MCTP2: variants seen among roughly 807,000 people sequenced by gnomAD.
The protein encoded by MCTP2 is multiple C2 and transmembrane domain-containing protein 2.
MCTP2 carries 132 observed loss-of-function variants against 111.6 expected under a neutral mutation model. That is an observed-to-expected ratio of 1.18 (90% confidence interval 1.03 to 1.37). The LOEUF (loss-of-function observed/expected upper bound fraction) is 1.37. Ranked by LOEUF, MCTP2 falls within the 40% of genes most tolerant of loss-of-function variation. The pLI, the probability that MCTP2 is intolerant of heterozygous loss-of-function variation, is 0.00. For missense variants in MCTP2, 1,183 were observed against 1,067.9 expected, an observed-to-expected ratio of 1.11 and a Z score of -1.50; for synonymous variants, 395 against 387.7, an observed-to-expected ratio of 1.02 and a Z score of -0.22.
intron 17 of MCTP2, among the ~76,000 whole-genome samples, chr15:94,421,793 C>T (rs927364165): frequency 2.6e-5 from 4 of 152,142 alleles, no homozygotes; most frequent in Non-Finnish European, 5.9e-5. Context: ...GAAAACTTAG[C>T]TTCATCTGCA....
intron 4 of MCTP2, among the ~76,000 whole-genome samples, chr15:94,320,881 G>C (rs2076601346): frequency 6.6e-6 from 1 of 152,138 alleles, no homozygotes; most frequent in Non-Finnish European, 1.5e-5. Context: ...TGGCTCAGTG[G>C]GACAAGAAGA....
intron 1 of MCTP2, among the ~76,000 whole-genome samples, chr15:94,287,681 A>G (rs1227043806): frequency 6.6e-6 from 1 of 152,230 alleles, no homozygotes; most frequent in African/African-American, 2.4e-5. Flanking sequence ...AAGTAAAGCT[A>G]CAGCTTCGAC....
intron 17 of MCTP2, among the ~76,000 whole-genome samples, chr15:94,412,218 A>G (rs1381247403): frequency 6.6e-6 from 1 of 152,052 alleles, no homozygotes; most frequent in Non-Finnish European, 1.5e-5. Context: ...CGGCTTGTAT[A>G]GTCATAAACT....
chr15:94,402,860 G>T, intron 17 of MCTP2: 1 of 1,209,104 alleles, frequency 8.3e-7, no homozygotes, highest in Non-Finnish European at 1.0e-6. Context: ...TGGTCTAAGA[G>T]TGTGAATATC....
At chr15:94,401,833 A>G (rs1391017637) in intron 16 of MCTP2, 67 bp from the exon 17 acceptor site, 7 of 1,220,694 alleles carry the variant, frequency 5.7e-6, no homozygotes, top group Non-Finnish European at 8.1e-6. Context: ...TGATCAGGGT[A>G]CCTGATCTAG....
chr15:94,422,707 G>A (rs572431584), intron 17 of MCTP2, among the ~76,000 whole-genome samples: 24 of 152,264 alleles, frequency 1.6e-4, no homozygotes, highest in African/African-American at 5.8e-4. Flanking sequence ...TCCCCACCAA[G>A]TTCTCCAACC....
chr15:94,330,761 G>A (rs369520174), intron 4 of MCTP2, among the ~76,000 whole-genome samples: 107 of 142,556 alleles, frequency 7.5e-4, no homozygotes, highest in Middle Eastern at 3.5e-3. Flanking sequence ...TTGAAACAGG[G>A]TCTCACTCTG....
intron 17 of MCTP2, chr15:94,402,342 C>G: frequency 1.4e-6 from 2 of 1,443,650 alleles, no homozygotes; most frequent in Non-Finnish European, 1.8e-6. Flanking sequence ...AAAATGGCAT[C>G]TGAAAAATCA....
chr15:94,341,605 A>G (rs898058496), intron 7 of MCTP2: 7 of 152,152 alleles, frequency 4.6e-5, no homozygotes, highest in Non-Finnish European at 1.0e-4. Context: ...GAATTGAGGC[A>G]GTGGGGTGGG....
chr15:94,346,065 A>G (rs1371042082), intron 8 of MCTP2, among the ~76,000 whole-genome samples: 2 of 152,080 alleles, frequency 1.3e-5, no homozygotes, highest in African/African-American at 4.8e-5. Context: ...TTCTCTACAT[A>G]ATAAGGAGCT....
chr15:94,305,900 CTCAT>C (rs1399442932), intron 2 of MCTP2, among the ~76,000 whole-genome samples: 4 of 151,988 alleles, frequency 2.6e-5, no homozygotes, highest in African/African-American at 9.7e-5. Flanking sequence ...TTTTTTTCTC[CTCAT>C]TTTCTCCTCT....
At chr15:94,465,985 C>T (rs2073245107) in intron 20 of MCTP2, among the ~76,000 whole-genome samples, 1 of 152,260 alleles carries the variant, frequency 6.6e-6, no homozygotes, top group Non-Finnish European at 1.5e-5. Flanking sequence ...CTTCTAAATA[C>T]TTTCTTTGGA....
chr15:94,379,823 A>G (rs1047123060), intron 12 of MCTP2, among the ~76,000 whole-genome samples: 1 of 144,288 alleles, frequency 6.9e-6, no homozygotes, highest in Non-Finnish European at 1.5e-5. Context: ...TGACATAATT[A>G]TATATGACAT....
intron 1 of MCTP2, among the ~76,000 whole-genome samples, chr15:94,248,340 C>T (rs2072165373): frequency 6.6e-6 from 1 of 152,158 alleles, no homozygotes; most frequent in Non-Finnish European, 1.5e-5. Context: ...ACCCTTCCAC[C>T]AAGTAGAACT....
intron 14 of MCTP2, among the ~76,000 whole-genome samples, chr15:94,392,817 A>G (rs2081064056): frequency 6.6e-6 from 1 of 152,138 alleles, no homozygotes; most frequent in Non-Finnish European, 1.5e-5. Context: ...CTTCATCTCA[A>G]AAAACAAACA....
chr15:94,248,714 G>C (rs1486953472), intron 1 of MCTP2, among the ~76,000 whole-genome samples: 1 of 152,110 alleles, frequency 6.6e-6, no homozygotes, highest in Admixed American at 6.5e-5. Context: ...ATTTTTATAT[G>C]ATTTACGAAA....
chr15:94,239,804 G>A (rs2070807511), intron 1 of MCTP2, among the ~76,000 whole-genome samples: 1 of 152,186 alleles, frequency 6.6e-6, no homozygotes. Context: ...ACACGGTGGG[G>A]CTTGGAAAGT....
At chr15:94,451,231 G>T (rs1183656776) in intron 19 of MCTP2, among the ~76,000 whole-genome samples, 1 of 151,938 alleles carries the variant, frequency 6.6e-6, no homozygotes, top group African/African-American at 2.4e-5. Context: ...TATATTTTTA[G>T]GTTACCAAGT....
chr15:94,294,525 A>G (rs2075170418), intron 1 of MCTP2, among the ~76,000 whole-genome samples: 3 of 152,150 alleles, frequency 2.0e-5, no homozygotes, highest in Admixed American at 2.0e-4. Context: ...CACCCCCTCA[A>G]ATAAAGGAGA....
Sources: allele counts gnomAD v4.1 joint callset (sites outside exome capture counted in the v4.1 genomes callset), GRCh38; gene constraint gnomAD v4.1.1; transcripts MANE v1.5; gene names NCBI Gene and HGNC (gene_info 2026-07-23, HGNC 2026-07-21).